GID4: variants seen among roughly 807,000 people sequenced by gnomAD.
GID4 encodes glucose-induced degradation protein 4 homolog.
A neutral mutation model predicts 32.4 loss-of-function variants in GID4; 7 were observed. The ratio of observed to expected loss-of-function variants is 0.22; its 90% CI spans 0.12 to 0.41. The LOEUF (loss-of-function observed/expected upper bound fraction) is 0.41, where lower values mean the gene tolerates loss of function less well. GID4 is among the 10% of genes least tolerant of loss of function. The pLI, the probability that GID4 is intolerant of heterozygous loss-of-function variation, is 1.00. For synonymous variants in GID4, 166 were observed against 170.0 expected (o/e 0.98, Z 0.18); for missense variants, 309 against 400.0 (o/e 0.77, Z 1.94).
At chr17:18,043,173 T>C (rs1333439741) in intron 1 of GID4, among the ~76,000 whole-genome samples, 1 of 152,176 alleles carries the variant, frequency 6.6e-6, no homozygotes, top group Non-Finnish European at 1.5e-5. Flanking sequence ...TTATCTTTCT[T>C]GAGATGCTCG....
chr17:18,053,228 G>GTCTTGAAC (rs1379358936), intron 2 of GID4, among the ~76,000 whole-genome samples: 1 of 149,358 alleles, frequency 6.7e-6, no homozygotes, highest in African/African-American at 2.4e-5. Flanking sequence ...GGTCAGGTTG[G>GTCTTGAAC]TCTTGAACTC....
At chr17:18,060,773 G>A (rs1349632658) in intron 4 of GID4, among the ~76,000 whole-genome samples, 1 of 152,040 alleles carries the variant, frequency 6.6e-6, no homozygotes, top group African/African-American at 2.4e-5. Flanking sequence ...TCACTCTGTT[G>A]CCCAGGCTGG....
intron 2 of GID4, among the ~76,000 whole-genome samples, chr17:18,048,597 G>GT (rs889651537): frequency 2.4e-4 from 37 of 151,694 alleles, no homozygotes; most frequent in Admixed American, 1.6e-3. Flanking sequence ...CTGTATTTGG[G>GT]TTTTTTTTCT....
At chr17:18,040,068 T>G (rs1246122046) in intron 1 of GID4, among the ~76,000 whole-genome samples, 166 bp downstream of exon 1, 2 of 151,674 alleles carry the variant, frequency 1.3e-5, no homozygotes, top group East Asian at 3.9e-4. Context: ...TCTCACACTC[T>G]CCGAGCCCCA....
chr17:18,056,437 G>A (rs1394487969), intron 3 of GID4, among the ~76,000 whole-genome samples: 14 of 152,206 alleles, frequency 9.2e-5, no homozygotes, highest in African/African-American at 2.6e-4. Context: ...TACCATCTGC[G>A]CCCACCCCTG....
chr17:18,042,403 T>G (rs1486529916), intron 1 of GID4, among the ~76,000 whole-genome samples: 1 of 152,376 alleles, frequency 6.6e-6, no homozygotes, highest in South Asian at 2.1e-4. Flanking sequence ...ACATAGTATT[T>G]GTCCTTTTGA....
In GID4 at chr17:18,045,194, A is replaced by G; in HGVS notation, c.486A>G (p.Lys162=). ...NSYLCGYLKI[K]GLTEEYPTLT... is the part of the protein sequence containing the mutation. ...ACCTTTGTGGGTACTTGAAGATTAA[A>G]GGCCTTACTGAGGTAAGCACTTGCT... The change falls in exon 2 of 6, where the codon AAA becomes AAG. Residue 162 remains lysine (K), a synonymous_variant. Transcript: ENST00000268719. 6.2e-7 allele frequency: 1 copy of G among 1,613,552 alleles called. No homozygotes were observed. The highest frequency in any genetic ancestry group is 8.5e-7 in the Non-Finnish European group (1 of 1,179,472).
chr17:18,039,940 C>A lies in GID4; in HGVS notation c.438+38C>A. Reference sequence around the variant, plus strand: ...CCGGGCCGGGGCCCGAGGGCCTCCTCGCGGCGCTCACGGGCCGTGCCCGCT... The same window carrying A: ...CCGGGCCGGGGCCCGAGGGCCTCCTAGCGGCGCTCACGGGCCGTGCCCGCT... On this transcript the variant is annotated intron_variant, in intron 1 of 5. Coordinates refer to ENST00000268719, the MANE Select transcript of GID4 (RefSeq NM_024052.5). The surrounding 1 kb of genome is among the most constrained non-coding windows in gnomAD (Gnocchi z 5.3). 1 of 1,329,974 alleles carries A rather than the reference C, an allele frequency of 7.5e-7. No homozygotes were observed. The highest frequency in any genetic ancestry group is 2.2e-5 in the South Asian group (1 of 44,626). 82.4% of individuals were successfully genotyped at this position (1,329,974 alleles called of 1,614,324 possible). A position where few individuals can be genotyped will look rare whatever the true frequency, so the allele number is the denominator to read the frequency against.
intron 4 of GID4, among the ~76,000 whole-genome samples, chr17:18,060,102 A>AG (rs912657159): frequency 6.1e-5 from 9 of 148,236 alleles, no homozygotes; most frequent in African/African-American, 2.2e-4. Flanking sequence ...AAAAAAAAAA[A>AG]AAAAGAAATG....
At chr17:18,040,569 G>T (rs961730166) in intron 1 of GID4, among the ~76,000 whole-genome samples, 1 of 152,136 alleles carries the variant, frequency 6.6e-6, no homozygotes, top group African/African-American at 2.4e-5. Context: ...TGGGTCCCCT[G>T]TTCCACTCAC....
chr17:18,045,780 G>C (rs757303277), intron 2 of GID4, among the ~76,000 whole-genome samples: 5 of 151,600 alleles, frequency 3.3e-5, no homozygotes, highest in Non-Finnish European at 7.4e-5. Flanking sequence ...TGTAGTTCCA[G>C]GTACTTGGGA....
intron 3 of GID4, among the ~76,000 whole-genome samples, chr17:18,055,324 T>C (rs2044955515): frequency 6.6e-6 from 1 of 152,172 alleles, no homozygotes; most frequent in South Asian, 2.1e-4. Flanking sequence ...GCAAAGATTC[T>C]AGAACTCGTT....
At chr17:18,054,344 C>CTTTTACTTGGTTGCA in intron 3 of GID4, 110 bp downstream of exon 3, 2 of 645,656 alleles carry the variant, frequency 3.1e-6, no homozygotes, top group Non-Finnish European at 5.4e-6. Flanking sequence ...GCTTTGCAAC[C>CTTTTACTTGGTTGCA]AAGTAAAAGG....
In GID4 at chr17:18,056,829, C is replaced by T. The variant is rs1172709412; in HGVS notation, c.607-2039C>T. On this transcript the variant is annotated intron_variant, in intron 3 of 5. Coordinates refer to ENST00000268719, the MANE Select transcript of GID4 (RefSeq NM_024052.5). ...GGTGTGGTTGAGCCAGGGAGCTGAA[C>T]CTATGGAGTGCTTCCTCCTCCAACA... 7 of 1,550,464 alleles carry T rather than the reference C, an allele frequency of 4.5e-6. No individual in the cohort carries two copies. The Admixed American group carries it at 1.2e-4, about 26-fold the overall frequency.
chr17:18,044,358 G>A (rs2044831973), intron 1 of GID4, among the ~76,000 whole-genome samples: 1 of 152,186 alleles, frequency 6.6e-6, no homozygotes, highest in Non-Finnish European at 1.5e-5. Flanking sequence ...GACCCTGCCA[G>A]CGTGAAAAAG....
chr17:18,039,605 C>T lies in GID4; in HGVS notation c.141C>T (p.Pro47=), dbSNP rs562752755. Residue 47 remains proline (P), a synonymous_variant, in exon 1 of 6, where the codon CCC becomes CCT. Coordinates refer to ENST00000268719, the MANE Select transcript of GID4 (RefSeq NM_024052.5). The surrounding 1 kb of genome is among the most constrained non-coding windows in gnomAD (Gnocchi z 5.3). ...GTGGTCGCCCCTCCCGCCCCCACCC[C>T]GCGCGTGCGCGCCCCGGCCTCTCCC... ...RAGGRPSRPH[P]ARARPGLSLP... is the part of the protein sequence containing the mutation. 21 of 1,291,040 alleles carry T rather than the reference C, an allele frequency of 1.6e-5. No homozygotes were observed. The highest frequency in any genetic ancestry group is 2.1e-5 in the Non-Finnish European group (21 of 1,023,088). The allele number at this position is 1,291,040 out of a possible 1,614,324, so 80.0% of individuals were successfully genotyped here.
intron 3 of GID4, chr17:18,056,797 C>G: frequency 6.4e-7 from 1 of 1,550,630 alleles, no homozygotes; most frequent in Non-Finnish European, 8.7e-7. Flanking sequence ...TTGGTACTGG[C>G]ATGTGAGGTG....
At position 18,039,772 on chromosome 17, in the gene GID4, C is replaced by A; in HGVS notation, c.308C>A (p.Ser103Ter). The A allele has an allele frequency of 6.4e-7, 1 of 1,574,328 alleles. No individual in the cohort carries two copies. The highest frequency in any genetic ancestry group is 8.6e-7 in the Non-Finnish European group (1 of 1,162,536). The change falls in exon 1 of 6, where the codon TCA (serine) becomes TAA (stop). Residue 103 changes from serine (S) to a stop codon, truncating the protein, a stop_gained. Transcript: ENST00000268719. LOFTEE classifies it high-confidence loss of function. The surrounding 1 kb of genome is among the most constrained non-coding windows in gnomAD (Gnocchi z 5.3). ...GGTGCCTCCGCTGCCTCCGCGGCCT[C>A]ACTCATCCCGCCGCCGCCCATCAAC... ...PAGASAASAA[S>*]LIPPPPINTQ...
intron 3 of GID4, chr17:18,056,906 A>C: frequency 6.4e-7 from 1 of 1,550,566 alleles, no homozygotes. Context: ...TTCACCACTC[A>C]TGGAGGACTC....
Sources: allele counts gnomAD v4.1 joint callset (sites outside exome capture counted in the v4.1 genomes callset), GRCh38; gene constraint gnomAD v4.1.1; non-coding constraint Gnocchi (gnomAD v3.1); transcripts MANE v1.5; gene names NCBI Gene and HGNC (gene_info 2026-07-23, HGNC 2026-07-21).